The following OAS3 variants were observed in gnomAD, a reference collection of about 807,000 sequenced individuals.
The protein encoded by OAS3 is 2'-5'-oligoadenylate synthase 3.
OAS3 carries 107 observed loss-of-function variants against 113.0 expected under a neutral mutation model. The observed-to-expected ratio is 0.95, with a 90% CI of 0.81 to 1.11. The LOEUF (loss-of-function observed/expected upper bound fraction) is 1.11, where lower values mean the gene tolerates loss of function less well. Among genes scored for constraint, OAS3 ranks in the 50% most tolerant of loss-of-function variants. The pLI is 0.00. For synonymous variants in OAS3, 552 were observed against 573.6 expected, an observed-to-expected ratio of 0.96 and a Z score of 0.54; for missense variants, 1,258 against 1,389.1, an observed-to-expected ratio of 0.91 and a Z score of 1.50.
In OAS3 at chr12:112,944,364, T is replaced by G. The variant is rs2043706650; in HGVS notation, c.461-112T>G. ...TCCCATGTTACCAGATTTCTTCCCC[T>G]CTGAATTCTTCCCACTCTCTCTCAG... On this transcript the variant is annotated intron_variant, in intron 2 of 15. Coordinates refer to ENST00000228928, the MANE Select transcript of OAS3 (RefSeq NM_006187.4). 3 of 1,144,290 alleles carry G rather than the reference T, an allele frequency of 2.6e-6. No homozygotes were observed. In the South Asian group the frequency reaches 3.9e-5, roughly 15 times the overall value. The allele number at this position is 1,144,290 out of a possible 1,614,324, so 70.9% of individuals were successfully genotyped here.
Position 112,944,553 on chromosome 12 carries a change from C to A in OAS3, c.538C>A (p.His180Asn). The change falls in exon 3 of 16, where the codon CAT (histidine) becomes AAT (asparagine). Residue 180 changes from histidine (H) to asparagine (N), a missense_variant. Transcript: ENST00000228928. ...LLNSGCQGGE[H>N]AACFTELRRN... ...CAACAGTGGCTGCCAAGGGGGCGAGCATGCGGCCTGCTTCACAGAGCTGCG... is the reference window on the plus strand; with the variant it reads ...CAACAGTGGCTGCCAAGGGGGCGAGAATGCGGCCTGCTTCACAGAGCTGCG... 1 of 1,614,066 alleles carries A rather than the reference C, an allele frequency of 6.2e-7. No individual in the cohort carries two copies. The highest frequency in any genetic ancestry group is 8.5e-7 in the Non-Finnish European group (1 of 1,179,902).
In OAS3 at chr12:112,944,464, T is replaced by A. The variant is rs2043708228; in HGVS notation, c.461-12T>A. 5 of 1,613,868 alleles carry A rather than the reference T, an allele frequency of 3.1e-6. No homozygotes were observed. The highest frequency in any genetic ancestry group is 4.2e-6 in the Non-Finnish European group (5 of 1,179,834). On this transcript the variant is annotated splice_polypyrimidine_tract_variant and intron_variant, in intron 2 of 15. Coordinates refer to ENST00000228928, the MANE Select transcript of OAS3 (RefSeq NM_006187.4). ...AGTGCCCTCCCTAACTCACAGCGCT[T>A]CACACCAACAGGTCAGGCCGGCTCC...
At chr12:112,964,057 A>G (rs149649940) in intron 10 of OAS3, among the ~76,000 whole-genome samples, 178 bp from the exon 11 acceptor site, 2 of 152,334 alleles carry the variant, frequency 1.3e-5, no homozygotes, top group Non-Finnish European at 2.9e-5. Context: ...TGATGCTGGA[A>G]CCAAAATTCA....
In OAS3 at chr12:112,961,084, T is replaced by G. The variant is rs1565980111; in HGVS notation, c.1671T>G (p.Ser557=). ...PAFDAVGQLS[S]GTKPNPQVYS... Reference sequence around the variant, plus strand: ...AAACTTCTACAGGGCAGCTCAGTTCTGGCACCAAACCAAATCCCCAGGTCT... The same window carrying G: ...AAACTTCTACAGGGCAGCTCAGTTCGGGCACCAAACCAAATCCCCAGGTCT... The change falls in exon 8 of 16, where the codon TCT becomes TCG. Residue 557 remains serine, a synonymous_variant. Transcript: ENST00000228928. 5.6e-6 allele frequency: 9 copies of G among 1,613,536 alleles called. No individual in the cohort carries two copies. The highest frequency in any genetic ancestry group is 5.9e-6 in the Non-Finnish European group (7 of 1,179,738).
At position 112,963,511 on chromosome 12, in the gene OAS3, G is replaced by A. The variant is rs986670512; in HGVS notation, c.2229+54G>A. ...GGCCCTGCACCCTGCCTTCTAGTCA[G>A]GTTCCCTTAACCTGCCGGTGCACCC... On this transcript the variant is annotated intron_variant, in intron 10 of 15. Transcript: ENST00000228928. The surrounding 1 kb of genome is among the most constrained non-coding windows in gnomAD (Gnocchi z 4.6). The A allele has an allele frequency of 4.2e-6, 6 of 1,418,122 alleles. No homozygotes were observed. In the Admixed American group the frequency reaches 1.8e-4, roughly 42 times the overall value. The allele number at this position is 1,418,122 out of a possible 1,614,324, so 87.8% of individuals were successfully genotyped here. A position where few individuals can be genotyped will look rare whatever the true frequency, so the allele number is the denominator to read the frequency against.
Position 112,969,947 on chromosome 12 carries a change from A to G in OAS3, c.3253-15A>G. 1.2e-6 allele frequency: 2 copies of G among 1,607,178 alleles called. No individual in the cohort carries two copies. Among genetic ancestry groups the G allele is most frequent in the Non-Finnish European group, 1.7e-6 (2 of 1,176,682 alleles). ...AAGAATGGGGTTACCAACATCTCTT[A>G]TAATACTTCCCCAGGCTGCTGTGTG... On this transcript the variant is annotated splice_polypyrimidine_tract_variant and intron_variant, in intron 15 of 15. Coordinates refer to ENST00000228928, the MANE Select transcript of OAS3 (RefSeq NM_006187.4).
chr12:112,969,797 A>C (rs1254508133), intron 15 of OAS3, 42 bp downstream of exon 15: 1 of 1,607,104 alleles, frequency 6.2e-7, no homozygotes, highest in Admixed American at 1.7e-5. Context: ...CTTTAGGGGT[A>C]AGGGGGGAGC....
chr12:112,951,629 G>C (rs566968382), intron 7 of OAS3, among the ~76,000 whole-genome samples: 4 of 152,168 alleles, frequency 2.6e-5, no homozygotes, highest in African/African-American at 9.6e-5. Flanking sequence ...ACTGTAGTCA[G>C]AAAACATACT....
intron 12 of OAS3, among the ~76,000 whole-genome samples, chr12:112,967,049 C>T (rs1262427745): frequency 6.6e-6 from 1 of 152,192 alleles, no homozygotes; most frequent in Non-Finnish European, 1.5e-5. Flanking sequence ...ATGTCAACTC[C>T]ATACACAGCT....
At chr12:112,943,308 T>C (rs2043697105) in intron 2 of OAS3, among the ~76,000 whole-genome samples, 2 of 152,342 alleles carry the variant, frequency 1.3e-5, no homozygotes, top group South Asian at 4.1e-4. Context: ...TGACATGTTT[T>C]ATCTCATCAA....
intron 4 of OAS3, 103 bp from the exon 5 acceptor site, chr12:112,947,843 G>T: frequency 9.2e-7 from 1 of 1,088,792 alleles, no homozygotes; most frequent in South Asian, 1.8e-5. Flanking sequence ...ATTTGCCCCA[G>T]GTCACACAGC....
chr12:112,961,368 A>T, intron 8 of OAS3, 122 bp downstream of exon 8: 1 of 901,126 alleles, frequency 1.1e-6, no homozygotes, highest in Non-Finnish European at 1.6e-6. Flanking sequence ...TCCAGAGCAG[A>T]AGGACCGGCC....
chr12:112,950,665 C>T (rs1479648716), intron 6 of OAS3, 28 bp from the exon 7 acceptor site: 8 of 1,611,390 alleles, frequency 5.0e-6, no homozygotes, highest in Non-Finnish European at 6.8e-6. Context: ...TAGAGGGTCC[C>T]TGATCTGAGC....
At chr12:112,946,480 C>A (rs992653017) in intron 3 of OAS3, among the ~76,000 whole-genome samples, 2 of 152,290 alleles carry the variant, frequency 1.3e-5, no homozygotes, top group Admixed American at 6.5e-5. Flanking sequence ...CTACCCTTGG[C>A]TTCTCTCTGA....
At chr12:112,961,882 A>G (rs2043890355) in intron 8 of OAS3, among the ~76,000 whole-genome samples, 1 of 151,754 alleles carries the variant, frequency 6.6e-6, no homozygotes, top group Non-Finnish European at 1.5e-5. Flanking sequence ...TGCAGCCTCG[A>G]CCTTCTGGGC....
rs1167639117 is a variant in OAS3, at chr12:112,971,740, C to T, written c.*1767C>T. 1 of 152,338 alleles carries T rather than the reference C, an allele frequency of 6.6e-6. No individual in the cohort carries two copies. The highest frequency in any genetic ancestry group is 1.9e-4 in the East Asian group (1 of 5,188). 9.4% of individuals were successfully genotyped at this position (152,338 alleles called of 1,614,324 possible). On this transcript the variant is annotated 3_prime_UTR_variant, in exon 16 of 16. Coordinates refer to ENST00000228928, the MANE Select transcript of OAS3 (RefSeq NM_006187.4). ...AGAGGTGAGCAACCAAGGGAAGCTC[C>T]TCTGATTCACCTAGAACCTGTTCTC... is the stretch of plus-strand genomic sequence containing the variant.
intron 6 of OAS3, among the ~76,000 whole-genome samples, chr12:112,949,637 GCT>G (rs372951571): frequency 6.6e-6 from 1 of 151,742 alleles, no homozygotes; most frequent in Admixed American, 6.6e-5. Context: ...CAACCATTTG[GCT>G]CTCTCTCTCT....
Position 112,958,128 on chromosome 12 carries a change from C to T in OAS3, c.1658-2943C>T, listed in dbSNP as rs905691702. On this transcript the variant is annotated intron_variant, in intron 7 of 15. Transcript: ENST00000228928. ...TACCCTTTCTTCCACTTGATAGAAT[C>T]GGCCACTGAAGCTTGTGCATGCATC... Among the ~76,000 whole-genome samples the T allele has an allele frequency of 5.3e-5, 8 of 152,294 alleles. No individual in the cohort carries two copies. In the East Asian group the frequency reaches 5.8e-4, roughly 11 times the overall value.
rs1040476399 is a variant in OAS3 at position 112,963,568 on chromosome 12, C to T, written c.2229+111C>T. 3.4e-5 allele frequency: 36 copies of T among 1,071,984 alleles called. No homozygotes were observed. In the Admixed American group the frequency reaches 9.3e-4, roughly 28 times the overall value. 66.4% of individuals were successfully genotyped at this position (1,071,984 alleles called of 1,614,324 possible). A position where few individuals can be genotyped will look rare whatever the true frequency, so the allele number is the denominator to read the frequency against. On this transcript the variant is annotated intron_variant, in intron 10 of 15. Transcript: ENST00000228928. This position sits in a 1 kb window ranked among gnomAD's most constrained non-coding sequence, Gnocchi z 4.6. ...AGCTGCTAGGAGTGTTGGTGGCTGA[C>T]AACTCATAGCCACCCCTTCTCTGGA...
Sources: allele counts gnomAD v4.1 joint callset (sites outside exome capture counted in the v4.1 genomes callset), GRCh38; gene constraint gnomAD v4.1.1; non-coding constraint Gnocchi (gnomAD v3.1); transcripts MANE v1.5; gene names NCBI Gene and HGNC (gene_info 2026-07-23, HGNC 2026-07-21).